LCLAT1: variants seen among roughly 807,000 people sequenced by gnomAD.
LCLAT1 encodes lysocardiolipin acyltransferase 1, also known as 1-AGP acyltransferase 8.
A neutral mutation model predicts 30.7 loss-of-function variants in LCLAT1; 11 were observed. That is an observed-to-expected ratio of 0.36 (90% confidence interval 0.23 to 0.59). The LOEUF (loss-of-function observed/expected upper bound fraction) is 0.59, where lower values mean the gene tolerates loss of function less well. LCLAT1 is among the 20% of genes least tolerant of loss of function. The pLI, the probability that LCLAT1 is intolerant of heterozygous loss-of-function variation, is 0.77. For synonymous variants in LCLAT1, 155 were observed against 151.3 expected (o/e 1.02, Z -0.18); for missense variants, 402 against 458.6 (o/e 0.88, Z 1.13).
At chr2:30,477,776 C>T (rs906100484) in intron 1 of LCLAT1, among the ~76,000 whole-genome samples, 2 of 152,044 alleles carry the variant, frequency 1.3e-5, no homozygotes, top group Non-Finnish European at 2.9e-5. Flanking sequence ...TTTAAGAAGT[C>T]TAGAAAGATT....
At chr2:30,475,903 A>G (rs1038050434) in intron 1 of LCLAT1, among the ~76,000 whole-genome samples, 12 of 152,228 alleles carry the variant, frequency 7.9e-5, no homozygotes, top group Non-Finnish European at 1.3e-4. Flanking sequence ...TCAAGTGAAG[A>G]TTTGATAATC....
At chr2:30,638,935 G>A (rs528795099) in intron 5 of LCLAT1, among the ~76,000 whole-genome samples, 33 of 151,790 alleles carry the variant, frequency 2.2e-4, no homozygotes, top group African/African-American at 7.5e-4. Context: ...CTGCTGTATT[G>A]TAGTAGCCAT....
intron 1 of LCLAT1, among the ~76,000 whole-genome samples, chr2:30,492,375 G>C (rs531741343): frequency 6.6e-6 from 1 of 152,146 alleles, no homozygotes; most frequent in African/African-American, 2.4e-5. Flanking sequence ...GGAGTAAAGC[G>C]GGTATATGAG....
At chr2:30,467,635 A>G (rs1472109447) in intron 1 of LCLAT1, among the ~76,000 whole-genome samples, 1 of 152,070 alleles carries the variant, frequency 6.6e-6, no homozygotes, top group Non-Finnish European at 1.5e-5. Context: ...CCATTCTAAC[A>G]GGTGTGAGAT....
chr2:30,536,161 G>A (rs901738610), intron 3 of LCLAT1, among the ~76,000 whole-genome samples: 1 of 152,146 alleles, frequency 6.6e-6, no homozygotes, highest in Non-Finnish European at 1.5e-5. Flanking sequence ...ATCATTAAGC[G>A]ATCAATTTTT....
chr2:30,489,659 T>C (rs1683743490), intron 1 of LCLAT1, among the ~76,000 whole-genome samples: 1 of 152,202 alleles, frequency 6.6e-6, no homozygotes, highest in Non-Finnish European at 1.5e-5. Context: ...CCCACAGTTA[T>C]CTTACTACAT....
At chr2:30,466,800 T>A (rs1682457205) in intron 1 of LCLAT1, among the ~76,000 whole-genome samples, 1 of 152,150 alleles carries the variant, frequency 6.6e-6, no homozygotes, top group Non-Finnish European at 1.5e-5. Context: ...ACTACAAGTC[T>A]TATATATTTT....
intron 5 of LCLAT1, among the ~76,000 whole-genome samples, chr2:30,569,902 G>A (rs1430342020): frequency 6.6e-6 from 1 of 152,120 alleles, no homozygotes; most frequent in African/African-American, 2.4e-5. Context: ...GAAGTTCATG[G>A]AGAATACAGT....
chr2:30,486,505 A>C (rs1356036054), intron 1 of LCLAT1, among the ~76,000 whole-genome samples: 1 of 151,492 alleles, frequency 6.6e-6, no homozygotes, highest in Non-Finnish European at 1.5e-5. Context: ...TTGTCCTCTC[A>C]CTCTTCCAGT....
intron 1 of LCLAT1, among the ~76,000 whole-genome samples, chr2:30,514,884 A>G (rs1383061630): frequency 6.6e-6 from 1 of 152,216 alleles, no homozygotes; most frequent in African/African-American, 2.4e-5. Flanking sequence ...ACGTTTATAT[A>G]CATTTCACTT....
At chr2:30,578,916 ATAAT>A (rs1270121117) in intron 5 of LCLAT1, among the ~76,000 whole-genome samples, 1 of 152,192 alleles carries the variant, frequency 6.6e-6, no homozygotes, top group South Asian at 2.1e-4. Context: ...AAGTTACCAA[ATAAT>A]TTACCAATTA....
rs757430820 is a variant in LCLAT1 at position 30,533,467 on chromosome 2, G to A, written c.364+153G>A. 675 of 664,492 alleles carry A rather than the reference G, an allele frequency of 1.0e-3. 4 individuals are homozygous for A. The highest frequency in any genetic ancestry group is 1.6e-3 in the Non-Finnish European group (590 of 372,148). The allele number at this position is 664,492 out of a possible 1,614,324, so 41.2% of individuals were successfully genotyped here. On this transcript the variant is annotated intron_variant, in intron 3 of 5. Coordinates refer to ENST00000379509, the MANE Select transcript of LCLAT1 (RefSeq NM_001002257.3). ...CTTTTGTCTTTAGTGGATCTGCTAT[G>A]GCAGATGACTTTATTTTAATCTGTT... is the stretch of plus-strand genomic sequence containing the variant.
intron 1 of LCLAT1, among the ~76,000 whole-genome samples, chr2:30,467,507 C>A (rs1336416115): frequency 1.3e-5 from 2 of 152,218 alleles, no homozygotes; most frequent in South Asian, 2.1e-4. Flanking sequence ...CTTGAGGAAT[C>A]GCCACACTGT....
At chr2:30,587,640 G>T (rs766034935) in intron 5 of LCLAT1, among the ~76,000 whole-genome samples, 22 of 152,188 alleles carry the variant, frequency 1.4e-4, no homozygotes, top group Non-Finnish European at 2.9e-4. Flanking sequence ...CAACAGGATG[G>T]TGAAGTTGTA....
intron 1 of LCLAT1, among the ~76,000 whole-genome samples, chr2:30,491,464 A>G (rs1482355757): frequency 6.6e-6 from 1 of 152,166 alleles, no homozygotes; most frequent in Non-Finnish European, 1.5e-5. Context: ...ATGGAGTTAG[A>G]CAGGGTCTGT....
chr2:30,514,537 T>C (rs72856655), intron 1 of LCLAT1, among the ~76,000 whole-genome samples: 3,680 of 152,320 alleles, frequency 0.024, 141 homozygotes, highest in African/African-American at 0.083. Context: ...GTTAAATATG[T>C]AAATACCAAG....
At chr2:30,592,393 T>A (rs1219069801) in intron 5 of LCLAT1, among the ~76,000 whole-genome samples, 1 of 152,158 alleles carries the variant, frequency 6.6e-6, no homozygotes, top group African/African-American at 2.4e-5. Context: ...GGTGAGAGGA[T>A]GGCTTGAGCT....
chr2:30,458,224 A>G (rs1681930059), intron 1 of LCLAT1, among the ~76,000 whole-genome samples: 1 of 152,228 alleles, frequency 6.6e-6, no homozygotes, highest in South Asian at 2.1e-4. Flanking sequence ...TATGGTGAGC[A>G]GTTAGTTAGA....
At chr2:30,608,889 T>C (rs1667597530) in intron 5 of LCLAT1, among the ~76,000 whole-genome samples, 1 of 152,144 alleles carries the variant, frequency 6.6e-6, no homozygotes, top group Non-Finnish European at 1.5e-5. Flanking sequence ...AGCCCCAAAT[T>C]ATACTACATA....
Sources: allele counts gnomAD v4.1 joint callset (sites outside exome capture counted in the v4.1 genomes callset), GRCh38; gene constraint gnomAD v4.1.1; transcripts MANE v1.5; gene names NCBI Gene and HGNC (gene_info 2026-07-23, HGNC 2026-07-21).